Variants in COL28A1 observed in about 807,000 individuals in gnomAD.
COL28A1 encodes collagen alpha-1(XXVIII) chain.
A neutral mutation model predicts 150.2 loss-of-function variants in COL28A1; 161 were observed. The observed-to-expected ratio is 1.07, with a 90% confidence interval of 0.94 to 1.22. COL28A1 has a LOEUF of 1.22. COL28A1 is among the 50% of genes most tolerant of loss of function. COL28A1 has a pLI of 0.00. For synonymous variants in COL28A1, 552 were observed against 469.7 expected, an observed-to-expected ratio of 1.18 and a Z score of -2.26; for missense variants, 1,617 against 1,388.3, an observed-to-expected ratio of 1.16 and a Z score of -2.62.
chr7:7,401,769 T>C (rs887356680), intron 27 of COL28A1, among the ~76,000 whole-genome samples: 2 of 152,152 alleles, frequency 1.3e-5, no homozygotes, highest in African/African-American at 2.4e-5. Context: ...CACAGAACCA[T>C]CCTTTTAAAT....
At chr7:7,399,181 C>T (rs1583291259) in intron 27 of COL28A1, among the ~76,000 whole-genome samples, 1 of 152,262 alleles carries the variant, frequency 6.6e-6, no homozygotes, top group African/African-American at 2.4e-5. Flanking sequence ...TCTCCACTCA[C>T]CCCTCAGGCT....
chr7:7,457,642 G>C (rs1003545783), intron 15 of COL28A1, among the ~76,000 whole-genome samples: 2 of 152,146 alleles, frequency 1.3e-5, no homozygotes, highest in African/African-American at 4.8e-5. Flanking sequence ...ATAGAAAAAA[G>C]AGATGGTCCC....
intron 1 of COL28A1, among the ~76,000 whole-genome samples, chr7:7,533,872 G>A (rs1480113405): frequency 6.6e-6 from 1 of 152,114 alleles, no homozygotes; most frequent in African/African-American, 2.4e-5. Context: ...TACTTAGTAT[G>A]GCTTAAAAAT....
At chr7:7,367,816 A>AG (rs940297869) in intron 33 of COL28A1, among the ~76,000 whole-genome samples, 3 of 17,390 alleles carry the variant, frequency 1.7e-4, no homozygotes, top group Non-Finnish European at 7.2e-4. Flanking sequence ...ATTTTCCTTT[A>AG]AAAAAAAAAA....
At chr7:7,352,165 C>A (rs1780244375), downstream of COL28A1, among the ~76,000 whole-genome samples, 1 of 152,122 alleles carries the variant, frequency 6.6e-6, no homozygotes, top group Non-Finnish European at 1.5e-5. Flanking sequence ...CTATTCCCGT[C>A]TTGCAAGTAG....
Position 7,395,301 on chromosome 7 carries a change from CACAA to C in COL28A1, c.2137-13693_2137-13690del, listed in dbSNP as rs554794782. ...AGAGTGAGGCTCCGTCTTAAAAAAACACAAACAAACCAGCTGTGGTACCTGAATG... is the reference window on the plus strand; with the variant it reads ...AGAGTGAGGCTCCGTCTTAAAAAAACACAAACCAGCTGTGGTACCTGAATG... On this transcript the variant is annotated intron_variant, in intron 27 of 34. Coordinates refer to ENST00000399429, the MANE Select transcript of COL28A1 (RefSeq NM_001037763.3). Among the ~76,000 whole-genome samples, 28 of 152,056 alleles carry C rather than the reference CACAA, an allele frequency of 1.8e-4. No individual in the cohort carries two copies. In the East Asian group the frequency reaches 5.2e-3, roughly 28 times the overall value.
chr7:7,399,925 C>A (rs568988343), intron 27 of COL28A1, among the ~76,000 whole-genome samples: 1 of 152,382 alleles, frequency 6.6e-6, no homozygotes, highest in African/African-American at 2.4e-5. Flanking sequence ...CCAGCCAGAA[C>A]TGCTGACCTG....
intron 8 of COL28A1, among the ~76,000 whole-genome samples, chr7:7,514,120 T>C (rs915451055): frequency 3.9e-5 from 6 of 152,228 alleles, no homozygotes; most frequent in African/African-American, 9.6e-5. Flanking sequence ...TCAAAAAATA[T>C]ATGTATAAAG....
chr7:7,376,370 G>A (rs1474817952), intron 30 of COL28A1, among the ~76,000 whole-genome samples: 1 of 152,252 alleles, frequency 6.6e-6, no homozygotes, highest in African/African-American at 2.4e-5. Context: ...TGGAGGTGAT[G>A]TAGCCTGTAA....
intron 6 of COL28A1, 42 bp from the exon 7 acceptor site, chr7:7,517,879 G>A (rs772887781): frequency 6.2e-7 from 1 of 1,609,528 alleles, no homozygotes; most frequent in Non-Finnish European, 8.5e-7. Flanking sequence ...CAGCCCTGAA[G>A]AGTGACTGAT....
intron 27 of COL28A1, among the ~76,000 whole-genome samples, chr7:7,383,285 TGTG>T (rs1231826484): frequency 0.011 from 1,231 of 111,996 alleles, 9 homozygotes; most frequent in African/African-American, 0.034. Flanking sequence ...TGTGTGTGTG[TGTG>T]TTTTTTTTGA....
At chr7:7,421,767 TCTA>T (rs1158456638) in intron 25 of COL28A1, among the ~76,000 whole-genome samples, 1 of 152,250 alleles carries the variant, frequency 6.6e-6, no homozygotes, top group Non-Finnish European at 1.5e-5. Flanking sequence ...TCTTTTAATA[TCTA>T]CTTTCATAAT....
downstream of COL28A1, among the ~76,000 whole-genome samples, chr7:7,354,822 G>C (rs1166569689): frequency 6.6e-6 from 1 of 152,146 alleles, no homozygotes; most frequent in Non-Finnish European, 1.5e-5. Context: ...AACCCAGCAG[G>C]TTTGGCTTTA....
chr7:7,394,684 G>T (rs966324772), intron 27 of COL28A1, among the ~76,000 whole-genome samples: 1 of 152,046 alleles, frequency 6.6e-6, no homozygotes, highest in African/African-American at 2.4e-5. Flanking sequence ...TCTACCCCGA[G>T]ACTGTGAATT....
At chr7:7,423,001 C>A (rs1392209176) in intron 25 of COL28A1, among the ~76,000 whole-genome samples, 1 of 152,154 alleles carries the variant, frequency 6.6e-6, no homozygotes, top group Non-Finnish European at 1.5e-5. Context: ...TGATTTGGAT[C>A]CCAATCCAAA....
At chr7:7,535,194 A>G (rs1214216689) in intron 1 of COL28A1, among the ~76,000 whole-genome samples, 3 of 152,176 alleles carry the variant, frequency 2.0e-5, no homozygotes, top group African/African-American at 7.2e-5. Context: ...AGAAACAATC[A>G]TAATTATTAA....
chr7:7,491,987 C>G (rs1448814044), intron 11 of COL28A1, among the ~76,000 whole-genome samples: 1 of 152,120 alleles, frequency 6.6e-6, no homozygotes, highest in African/African-American at 2.4e-5. Flanking sequence ...TACATTCACA[C>G]GTGTACCTTT....
chr7:7,414,051 C>A (rs149880529), intron 27 of COL28A1, among the ~76,000 whole-genome samples: 2 of 152,166 alleles, frequency 1.3e-5, no homozygotes, highest in African/African-American at 2.4e-5. Flanking sequence ...GATGGGGAAA[C>A]TGGCATAACT....
chr7:7,370,374 T>A (rs1781160446), intron 33 of COL28A1, among the ~76,000 whole-genome samples: 1 of 151,988 alleles, frequency 6.6e-6, no homozygotes. Context: ...AGTTGTGGCC[T>A]GGTATGAAAG....
Sources: gnomAD v4.1 joint callset for allele counts (sites outside exome capture counted in the v4.1 genomes callset) on GRCh38, gnomAD v4.1.1 for gene constraint, MANE v1.5 for transcripts, NCBI Gene and HGNC (gene_info 2026-07-23, HGNC 2026-07-21) for gene names.